LEKR1: variants seen among roughly 807,000 people sequenced by gnomAD.
LEKR1 encodes leucine, glutamate and lysine rich 1, also known as protein LEKR1.
Under a neutral mutation model 72.4 loss-of-function variants are expected in LEKR1, and 59 were observed. The ratio of observed to expected loss-of-function variants is 0.82; its 90% CI spans 0.66 to 1.01. LEKR1 has a LOEUF of 1.01. LEKR1 is among the 50% of genes least tolerant of loss of function. The pLI is 0.00. For synonymous variants in LEKR1, 257 were observed against 263.2 expected (o/e 0.98, Z 0.23); for missense variants, 728 against 759.2 (o/e 0.96, Z 0.48).
At chr3:157,010,549 C>G (rs1361004799) in intron 9 of LEKR1, among the ~76,000 whole-genome samples, 1 of 151,614 alleles carries the variant, frequency 6.6e-6, no homozygotes, top group Non-Finnish European at 1.5e-5. Context: ...AGGGTCAGAG[C>G]TAAAAGGAAG....
At chr3:157,011,343 C>A in intron 9 of LEKR1, 70 bp from the exon 10 acceptor site, 1 of 1,035,986 alleles carries the variant, frequency 9.7e-7, no homozygotes. Flanking sequence ...ATCTCCCGAC[C>A]CAGGAACTAC....
At chr3:157,038,011 G>T (rs1183806601) in intron 12 of LEKR1, among the ~76,000 whole-genome samples, 1 of 152,148 alleles carries the variant, frequency 6.6e-6, no homozygotes, top group Non-Finnish European at 1.5e-5. Context: ...GTCTTCGTAG[G>T]CTATGATAAG....
intron 3 of LEKR1, among the ~76,000 whole-genome samples, chr3:156,881,279 C>G (rs9756608): frequency 0.84 from 127,991 of 151,718 alleles, 54,162 homozygotes; most frequent in African/African-American, 0.91. Context: ...ATCTCCTTAA[C>G]CTGATAAGCA....
chr3:156,944,361 G>A (rs1306466200), intron 6 of LEKR1, among the ~76,000 whole-genome samples: 1 of 151,716 alleles, frequency 6.6e-6, no homozygotes, highest in Non-Finnish European at 1.5e-5. Context: ...TTATGTCACG[G>A]TAAATGAGGT....
chr3:156,852,667 T>C lies in LEKR1; in HGVS notation c.49-101T>C, dbSNP rs146908184. 582 of 607,770 alleles carry C rather than the reference T, an allele frequency of 9.6e-4. 1 individual carries two copies. Among genetic ancestry groups the C allele is most frequent in the African/African-American group, 9.4e-3 (504 of 53,884 alleles). The allele number at this position is 607,770 out of a possible 1,614,324, so 37.6% of individuals were successfully genotyped here. ...ATTATTGCTCCAAGGCATAGTATAC[T>C]ATGTATTTACTTCATTCAACCAGCA... On this transcript the variant is annotated intron_variant, in intron 2 of 12. Transcript: ENST00000356539.
intron 3 of LEKR1, among the ~76,000 whole-genome samples, chr3:156,858,511 T>C (rs2108540834): frequency 6.6e-6 from 1 of 152,016 alleles, no homozygotes; most frequent in South Asian, 2.1e-4. Flanking sequence ...CGTTCTCTAC[T>C]AAAAATACAA....
chr3:156,952,915 C>T (rs1294920088), intron 6 of LEKR1, among the ~76,000 whole-genome samples: 1 of 151,280 alleles, frequency 6.6e-6, no homozygotes, highest in Non-Finnish European at 1.5e-5. Context: ...TTCCTTGTTC[C>T]TTGGAGAGAT....
At chr3:156,855,376 T>C (rs1384411319) in intron 3 of LEKR1, among the ~76,000 whole-genome samples, 3 of 152,174 alleles carry the variant, frequency 2.0e-5, no homozygotes, top group Non-Finnish European at 2.9e-5. Flanking sequence ...TTAATTAGTA[T>C]TTGTTTTTTG....
At chr3:156,963,731 T>G (rs903562549) in intron 6 of LEKR1, among the ~76,000 whole-genome samples, 3 of 152,214 alleles carry the variant, frequency 2.0e-5, no homozygotes, top group Non-Finnish European at 4.4e-5. Flanking sequence ...AGCACTTTTA[T>G]TATCTCCAGT....
rs534666746 is a variant in LEKR1, at chr3:157,046,105, C to CA, written c.*362dup. ...GCCACTACAAGCAGATATATTTCCA[C>CA]AAAAAAATAGATTGTTTGAGATTTG... On this transcript the variant is annotated 3_prime_UTR_variant, in exon 13 of 13. Transcript: ENST00000356539. 5.3e-5 allele frequency: 10 copies of CA among 190,380 alleles called. No homozygotes were observed. The highest frequency in any genetic ancestry group is 2.7e-4 in the Admixed American group (5 of 18,508). 11.8% of individuals were successfully genotyped at this position (190,380 alleles called of 1,614,324 possible).
chr3:157,039,672 T>A (rs1229540444), intron 12 of LEKR1, among the ~76,000 whole-genome samples: 1 of 152,218 alleles, frequency 6.6e-6, no homozygotes. Context: ...CGGATTCATG[T>A]AAACTCTAAG....
At chr3:156,920,213 A>G (rs1441769722) in intron 3 of LEKR1, among the ~76,000 whole-genome samples, 1 of 152,208 alleles carries the variant, frequency 6.6e-6, no homozygotes, top group African/African-American at 2.4e-5. Flanking sequence ...AGGCAGTAAT[A>G]TTTGACATTT....
At chr3:156,843,177 C>A (rs904135566) in intron 2 of LEKR1, among the ~76,000 whole-genome samples, 1 of 152,188 alleles carries the variant, frequency 6.6e-6, no homozygotes, top group African/African-American at 2.4e-5. Context: ...ACTAAAACAA[C>A]ACTTACAGAT....
At chr3:157,005,893 A>G (rs1732385411) in intron 9 of LEKR1, among the ~76,000 whole-genome samples, 1 of 152,182 alleles carries the variant, frequency 6.6e-6, no homozygotes, top group Admixed American at 6.5e-5. Context: ...AATAGACAAC[A>G]CCAAATATAT....
chr3:156,950,303 T>C (rs866167614), intron 6 of LEKR1, among the ~76,000 whole-genome samples: 1 of 151,698 alleles, frequency 6.6e-6, no homozygotes, highest in Non-Finnish European at 1.5e-5. Flanking sequence ...TTGCTTAGGA[T>C]TTCCTTGGCT....
chr3:157,018,619 T>C (rs1157774854), intron 10 of LEKR1, among the ~76,000 whole-genome samples: 1 of 151,964 alleles, frequency 6.6e-6, no homozygotes, highest in Non-Finnish European at 1.5e-5. Context: ...GGGGACAGCT[T>C]ACATGAAAAA....
intron 3 of LEKR1, among the ~76,000 whole-genome samples, chr3:156,909,052 T>C (rs975202826): frequency 6.6e-6 from 1 of 152,164 alleles, no homozygotes; most frequent in Non-Finnish European, 1.5e-5. Flanking sequence ...TGAGAGCTGA[T>C]GGTTTTATAA....
intron 10 of LEKR1, among the ~76,000 whole-genome samples, chr3:157,021,123 G>T (rs1733800807): frequency 6.6e-6 from 1 of 151,988 alleles, no homozygotes; most frequent in Non-Finnish European, 1.5e-5. Flanking sequence ...TTTTGATGGG[G>T]TTGTTTGTTT....
chr3:157,037,756 T>C (rs1735069618), intron 12 of LEKR1, among the ~76,000 whole-genome samples: 1 of 152,078 alleles, frequency 6.6e-6, no homozygotes. Flanking sequence ...TAAATCAGGG[T>C]AAAAGGGATA....
Sources: allele counts gnomAD v4.1 joint callset (sites outside exome capture counted in the v4.1 genomes callset), GRCh38; gene constraint gnomAD v4.1.1; transcripts MANE v1.5; gene names NCBI Gene and HGNC (gene_info 2026-07-23, HGNC 2026-07-21).